CLEC2A: variants seen among roughly 807,000 people sequenced by gnomAD.
The protein encoded by CLEC2A is C-type lectin domain family 2 member A, also known as keratinocyte-associated C-type lectin.
Under a neutral mutation model 18.6 loss-of-function variants are expected in CLEC2A, and 19 were observed. That is an observed-to-expected ratio of 1.02 (90% confidence interval 0.71 to 1.50). The LOEUF is 1.50. Ranked by LOEUF, CLEC2A falls within the 40% of genes most tolerant of loss-of-function variation. CLEC2A has a pLI of 0.00. For missense variants in CLEC2A, 190 were observed against 207.9 expected, an observed-to-expected ratio of 0.91 and a Z score of 0.53; for synonymous variants, 74 against 64.0, an observed-to-expected ratio of 1.16 and a Z score of -0.75.
At chr12:9,881,881 G>A in the CLEC2A span, among the ~76,000 whole-genome samples, 2 of 152,086 alleles carry the variant, frequency 1.3e-5, no homozygotes, top group African/African-American at 4.8e-5. Flanking sequence ...CGAATATGAC[G>A]ATGTGTAATC....
the CLEC2A span, among the ~76,000 whole-genome samples, chr12:9,888,438 C>T: frequency 6.6e-6 from 1 of 151,330 alleles, no homozygotes; most frequent in Non-Finnish European, 1.5e-5. Context: ...TGCAGTGAGC[C>T]GAGATTGCGC....
chr12:9,922,155 A>G lies in CLEC2A; in HGVS notation c.217T>C (p.Ser73Pro), dbSNP rs61747884. Residue 73 changes from serine (S) to proline (P), a missense_variant, in exon 3 of 5, where the codon TCT (serine) becomes CCT (proline). By Grantham distance (74) the Ser-to-Pro change is moderately conservative. Coordinates refer to ENST00000455827, the MANE Select transcript of CLEC2A (RefSeq NM_001130711.2). The stretch of plus-strand genomic sequence containing the variant: ...GCTGTCCAATTTCTGGTATCATCAG[A>G]AAAATAGAAACACTTATCTCTCACT... The part of the protein sequence containing the change: ...LGVRDKCFYF[S>P]DDTRNWTASK... The G allele has an allele frequency of 2.5e-3, 3,922 of 1,551,294 alleles. 87 individuals carry two copies. In the African/African-American group the frequency reaches 0.045, roughly 18 times the overall value.
At chr12:9,886,763 CA>C in the CLEC2A span, among the ~76,000 whole-genome samples, 1,355 of 103,494 alleles carry the variant, frequency 0.013, 18 homozygotes, top group African/African-American at 0.046. Context: ...CTATATCATG[CA>C]AAAAAAAAAA....
chr12:9,890,824 T>C, the CLEC2A span, among the ~76,000 whole-genome samples: 1 of 152,182 alleles, frequency 6.6e-6, no homozygotes, highest in Admixed American at 6.5e-5. Flanking sequence ...ATTACACAGG[T>C]CATGTGCACC....
chr12:9,895,737 A>T, downstream of CLEC2A: 1 of 1,535,818 alleles, frequency 6.5e-7, no homozygotes, highest in Non-Finnish European at 8.7e-7. Flanking sequence ...CCGTTATCAC[A>T]GGAAACTGGG....
downstream of CLEC2A, among the ~76,000 whole-genome samples, chr12:9,912,107 C>T (rs1456311789): frequency 1.3e-5 from 2 of 152,098 alleles, no homozygotes; most frequent in Non-Finnish European, 2.9e-5. Flanking sequence ...TAAAGGTTAA[C>T]TGCTGATGGG....
At chr12:9,889,965 T>A in the CLEC2A span, among the ~76,000 whole-genome samples, 1 of 152,230 alleles carries the variant, frequency 6.6e-6, no homozygotes, top group African/African-American at 2.4e-5. Context: ...TAAATTTTTA[T>A]TACATAAATA....
At chr12:9,884,956 T>A in the CLEC2A span, 11 of 1,292,852 alleles carry the variant, frequency 8.5e-6, no homozygotes, top group Middle Eastern at 9.7e-4. Context: ...ATCCACAATA[T>A]TATTGTCTTC....
intron 4 of CLEC2A, among the ~76,000 whole-genome samples, chr12:9,904,192 C>T (rs182740906): frequency 6.6e-6 from 1 of 152,300 alleles, no homozygotes. Context: ...GAGATGGAAG[C>T]TGGATGGACC....
chr12:9,894,359 G>A (rs112272177), downstream of CLEC2A, among the ~76,000 whole-genome samples: 1,453 of 151,630 alleles, frequency 9.6e-3, 19 homozygotes, highest in African/African-American at 0.034. Flanking sequence ...TTTTTTGTAT[G>A]CTTTGTAGAG....
At chr12:9,921,527 C>A (rs569200595) in intron 3 of CLEC2A, among the ~76,000 whole-genome samples, 114 of 152,238 alleles carry the variant, frequency 7.5e-4, no homozygotes, top group Non-Finnish European at 1.4e-3. Flanking sequence ...TTCAAGGCTA[C>A]AGTGAGCTGA....
chr12:9,886,825 C>T, the CLEC2A span, among the ~76,000 whole-genome samples: 1 of 150,226 alleles, frequency 6.7e-6, no homozygotes, highest in African/African-American at 2.5e-5. Context: ...TAGATAGAGC[C>T]AGGTAGAGCT....
the CLEC2A span, among the ~76,000 whole-genome samples, chr12:9,884,639 C>A: frequency 6.7e-6 from 1 of 148,380 alleles, no homozygotes; most frequent in Non-Finnish European, 1.5e-5. Context: ...ATATTTATAT[C>A]ATATATAATA....
At chr12:9,890,839 G>C in the CLEC2A span, among the ~76,000 whole-genome samples, 2 of 152,252 alleles carry the variant, frequency 1.3e-5, no homozygotes, top group East Asian at 3.9e-4. Context: ...TGCACCAGAG[G>C]CTGGACCTAT....
At chr12:9,920,014 T>C (rs1343049246) in intron 3 of CLEC2A, among the ~76,000 whole-genome samples, 2 of 152,142 alleles carry the variant, frequency 1.3e-5, no homozygotes, top group African/African-American at 4.8e-5. Context: ...CAACTTGGAC[T>C]CTCCAAAGCC....
chr12:9,888,919 T>C, the CLEC2A span: 1 of 502,626 alleles, frequency 2.0e-6, no homozygotes, highest in Non-Finnish European at 3.6e-6. Context: ...AAGGACATCC[T>C]CTTCCTCAGT....
At chr12:9,906,309 G>C (rs988459711) in intron 4 of CLEC2A, among the ~76,000 whole-genome samples, 1 of 152,104 alleles carries the variant, frequency 6.6e-6, no homozygotes, top group Admixed American at 6.5e-5. Flanking sequence ...GGAAGACAAG[G>C]GGTTAAGTGA....
the CLEC2A span, among the ~76,000 whole-genome samples, chr12:9,889,215 A>C: frequency 2.0e-5 from 3 of 152,222 alleles, no homozygotes; most frequent in African/African-American, 7.2e-5. Flanking sequence ...TTAAACTTTC[A>C]AATGAGGATA....
At chr12:9,885,148 T>C in the CLEC2A span, 3 of 346,654 alleles carry the variant, frequency 8.7e-6, no homozygotes, top group African/African-American at 2.1e-5. Context: ...ATATGTCATA[T>C]TATAAAATTA....
Sources: allele counts gnomAD v4.1 joint callset (sites outside exome capture counted in the v4.1 genomes callset), GRCh38; gene constraint gnomAD v4.1.1; transcripts MANE v1.5; gene names NCBI Gene and HGNC (gene_info 2026-07-23, HGNC 2026-07-21).